The following ATRX variants were observed in gnomAD, a reference collection of about 807,000 sequenced individuals.
ATRX encodes the protein ATRX chromatin remodeler.
Under a neutral mutation model 172.6 loss-of-function variants are expected in ATRX, and 12 were observed. The ratio of observed to expected loss-of-function variants is 0.07; its 90% CI spans 0.04 to 0.11. The LOEUF is 0.11. Among genes scored for constraint, ATRX ranks in the 10% least tolerant of loss-of-function variants. The pLI is 1.00. For synonymous variants in ATRX, 674 were observed against 594.7 expected (o/e 1.13, Z -1.94); for missense variants, 1,368 against 1,767.4 (o/e 0.77, Z 4.05).
At chrX:77,514,872 CA>C (rs1347397884) in intron 34 of ATRX, among the ~76,000 whole-genome samples, 1 of 111,980 alleles carries the variant, frequency 8.9e-6, no homozygotes, top group Non-Finnish European at 1.9e-5. Flanking sequence ...ATCCATCTAG[CA>C]ACTAATATCC....
chrX:77,535,177 G>A (rs45581238), intron 30 of ATRX, among the ~76,000 whole-genome samples: 12 of 112,193 alleles, frequency 1.1e-4, no homozygotes, highest in Non-Finnish European at 2.1e-4. Flanking sequence ...AGTAACTAGA[G>A]AGCTTATTGA....
intron 1 of ATRX, among the ~76,000 whole-genome samples, chrX:77,747,276 C>A (rs1233191105): frequency 9.0e-6 from 1 of 110,907 alleles, no homozygotes; most frequent in African/African-American, 3.3e-5. Flanking sequence ...GTAATCCCAG[C>A]ACTTTGAGAG....
intron 22 of ATRX, among the ~76,000 whole-genome samples, chrX:77,607,324 C>A (rs782454160): frequency 1.4e-4 from 16 of 112,301 alleles, no homozygotes; most frequent in Non-Finnish European, 2.3e-4. Flanking sequence ...ATACAAAAAT[C>A]ATTGGCATTT....
chrX:77,526,171 A>T (rs1480378778), intron 30 of ATRX, among the ~76,000 whole-genome samples: 2 of 111,774 alleles, frequency 1.8e-5, no homozygotes, highest in Non-Finnish European at 3.8e-5. Flanking sequence ...TGATGATTCT[A>T]TCACACCACA....
chrX:77,564,783 G>C (rs1328896560), intron 28 of ATRX, among the ~76,000 whole-genome samples: 1 of 110,984 alleles, frequency 9.0e-6, no homozygotes, highest in Non-Finnish European at 1.9e-5. Context: ...CTACCCTCCA[G>C]CCAAAGGACC....
intron 21 of ATRX, 146 bp downstream of exon 21, chrX:77,618,660 C>T: frequency 1.8e-6 from 1 of 545,232 alleles, no homozygotes; most frequent in Non-Finnish European, 2.9e-6. Flanking sequence ...TTTTTTAAGA[C>T]AACGCAAGGA....
At chrX:77,692,773 A>T (rs1557147621) in intron 6 of ATRX, among the ~76,000 whole-genome samples, 1 of 111,322 alleles carries the variant, frequency 9.0e-6, no homozygotes, top group African/African-American at 3.3e-5. Context: ...AACAAGTGGG[A>T]CACATAGTCC....
intron 1 of ATRX, among the ~76,000 whole-genome samples, chrX:77,755,411 G>T (rs1463593036): frequency 8.9e-6 from 1 of 112,116 alleles, no homozygotes; most frequent in Non-Finnish European, 1.9e-5. Flanking sequence ...AGGAGAAGAG[G>T]CATTCGGGTT....
intron 2 of ATRX, 68 bp from the exon 3 acceptor site, chrX:77,698,697 T>C: frequency 1.1e-6 from 1 of 896,128 alleles, no homozygotes; most frequent in Admixed American, 2.3e-5. Context: ...CATCAATACC[T>C]ATAACTCCAC....
chrX:77,763,987 GC>G (rs2148917660), intron 1 of ATRX, among the ~76,000 whole-genome samples: 1 of 110,067 alleles, frequency 9.1e-6, no homozygotes, highest in African/African-American at 3.3e-5. Flanking sequence ...GGTGGCAAAG[GC>G]CTGTAGTCCC....
intron 1 of ATRX, among the ~76,000 whole-genome samples, chrX:77,744,994 TCAA>T (rs782050035): frequency 1.2e-3 from 128 of 106,260 alleles, no homozygotes; most frequent in African/African-American, 3.8e-3. Context: ...AGACTCTGCC[TCAA>T]CAACAACAAC....
intron 30 of ATRX, among the ~76,000 whole-genome samples, chrX:77,551,530 G>C (rs2064514904): frequency 8.9e-6 from 1 of 111,893 alleles, no homozygotes; most frequent in Non-Finnish European, 1.9e-5. Context: ...AGAAAACCTA[G>C]GCAATACCAT....
At chrX:77,553,041 T>C (rs2064623190) in intron 30 of ATRX, among the ~76,000 whole-genome samples, 1 of 111,607 alleles carries the variant, frequency 9.0e-6, no homozygotes, top group Non-Finnish European at 1.9e-5. Flanking sequence ...AATTGTACTA[T>C]AATAACAGGA....
chrX:77,725,153 C>T (rs782235012), intron 1 of ATRX, among the ~76,000 whole-genome samples: 7 of 111,238 alleles, frequency 6.3e-5, no homozygotes, highest in East Asian at 2.8e-4. Context: ...GTGGTTAAAC[C>T]GCATTGCCAC....
chrX:77,648,088 T>C (rs150563711), intron 15 of ATRX, among the ~76,000 whole-genome samples: 1,736 of 111,403 alleles, frequency 0.016, 30 homozygotes, highest in African/African-American at 0.054. Flanking sequence ...AAAGATGTAA[T>C]CCTAAATGTA....
intron 27 of ATRX, among the ~76,000 whole-genome samples, chrX:77,589,011 ACATTG>A (rs2066137532): frequency 8.9e-6 from 1 of 112,608 alleles, no homozygotes; most frequent in Non-Finnish European, 1.9e-5. Flanking sequence ...AAATGCTTGT[ACATTG>A]CTGGTAGGAC....
At chrX:77,621,741 A>C (rs1216436373) in intron 19 of ATRX, among the ~76,000 whole-genome samples, 1 of 112,285 alleles carries the variant, frequency 8.9e-6, no homozygotes, top group African/African-American at 3.2e-5. Context: ...AGCATTAGAG[A>C]AAATGCAACT....
intron 1 of ATRX, among the ~76,000 whole-genome samples, chrX:77,732,638 T>C (rs1557176717): frequency 8.9e-6 from 1 of 112,222 alleles, no homozygotes; most frequent in Non-Finnish European, 1.9e-5. Flanking sequence ...TGCAAATCAA[T>C]GTGATACATC....
At chrX:77,601,983 T>C (rs2066694870) in intron 22 of ATRX, among the ~76,000 whole-genome samples, 2 of 111,536 alleles carry the variant, frequency 1.8e-5, no homozygotes, top group Admixed American at 1.9e-4. Context: ...ATTCCTTACT[T>C]TAGGTCATTT....
Sources: allele counts gnomAD v4.1 joint callset (sites outside exome capture counted in the v4.1 genomes callset), GRCh38; gene constraint gnomAD v4.1.1; transcripts MANE v1.5; gene names NCBI Gene and HGNC (gene_info 2026-07-23, HGNC 2026-07-21).